The following NRXN3 variants were observed in gnomAD, a reference collection of about 807,000 sequenced individuals.
NRXN3 encodes the protein neurexin 3, also known as neurexin III.
NRXN3 carries 32 observed loss-of-function variants against 137.6 expected under a neutral mutation model. The observed-to-expected ratio is 0.23, with a 90% CI of 0.18 to 0.31. The LOEUF is 0.31. Ranked by LOEUF, NRXN3 falls within the 10% of genes least tolerant of loss-of-function variation. The probability of loss-of-function intolerance (pLI) is 1.00; values close to 1 mark genes in which losing one functional copy is unlikely to be tolerated. For synonymous variants in NRXN3, 798 were observed against 784.5 expected, an observed-to-expected ratio of 1.02 and a Z score of -0.29; for missense variants, 1,574 against 2,062.5, an observed-to-expected ratio of 0.76 and a Z score of 4.59.
chr14:78,188,023 C>T (rs750758083), intron 1 of NRXN3, among the ~76,000 whole-genome samples: 2 of 152,196 alleles, frequency 1.3e-5, no homozygotes, highest in Non-Finnish European at 1.5e-5. Flanking sequence ...AGGGAGCACT[C>T]GGGCCATGTG....
intron 1 of NRXN3, among the ~76,000 whole-genome samples, chr14:78,188,389 A>T (rs1279411578): frequency 6.6e-6 from 1 of 152,194 alleles, no homozygotes; most frequent in Non-Finnish European, 1.5e-5. Context: ...GGGAACTGGA[A>T]AGACTGATAG....
intron 1 of NRXN3, among the ~76,000 whole-genome samples, chr14:78,238,879 C>T (rs1041026929): frequency 2.8e-4 from 42 of 152,156 alleles, no homozygotes; most frequent in African/African-American, 9.7e-4. Context: ...TGTGTGGCCC[C>T]GACAAAGCAG....
At chr14:79,497,437 C>T (rs184036464) in intron 16 of NRXN3, among the ~76,000 whole-genome samples, 1 of 152,234 alleles carries the variant, frequency 6.6e-6, no homozygotes, top group African/African-American at 2.4e-5. Context: ...CCAAATGTTA[C>T]CTTATTAATG....
At chr14:78,483,742 G>C (rs1398118339) in intron 4 of NRXN3, among the ~76,000 whole-genome samples, 2 of 152,162 alleles carry the variant, frequency 1.3e-5, no homozygotes, top group African/African-American at 2.4e-5. Context: ...CCAGGTGAGA[G>C]GGGAGGACTC....
chr14:78,392,756 A>G (rs1304251094), intron 4 of NRXN3, among the ~76,000 whole-genome samples: 1 of 152,158 alleles, frequency 6.6e-6, no homozygotes, highest in Non-Finnish European at 1.5e-5. Context: ...CTCATTTTAC[A>G]AATGAGGATC....
intron 20 of NRXN3, among the ~76,000 whole-genome samples, chr14:79,815,873 A>G (rs2099250051): frequency 1.3e-5 from 2 of 152,230 alleles, no homozygotes; most frequent in South Asian, 2.1e-4. Flanking sequence ...AGTAAAATTT[A>G]GTAAAATAAT....
chr14:78,778,770 TTC>T (rs1491386063), intron 8 of NRXN3, among the ~76,000 whole-genome samples: 4 of 67,296 alleles, frequency 5.9e-5, no homozygotes, highest in African/African-American at 2.2e-4. Flanking sequence ...CTTTCTTTCT[TTC>T]TTTCTTTCTT....
At chr14:78,867,580 C>G (rs556109206) in intron 10 of NRXN3, among the ~76,000 whole-genome samples, 4 of 152,254 alleles carry the variant, frequency 2.6e-5, no homozygotes, top group Non-Finnish European at 5.9e-5. Context: ...TTCCCTGAAG[C>G]AGTCATGAAA....
intron 4 of NRXN3, among the ~76,000 whole-genome samples, chr14:78,443,319 G>T (rs1404660388): frequency 6.6e-6 from 1 of 152,108 alleles, no homozygotes; most frequent in Non-Finnish European, 1.5e-5. Context: ...GTTATTGTTT[G>T]GGTAGGCACT....
intron 19 of NRXN3, among the ~76,000 whole-genome samples, chr14:79,793,467 G>A (rs1457694833): frequency 6.6e-6 from 1 of 152,178 alleles, no homozygotes; most frequent in Non-Finnish European, 1.5e-5. Flanking sequence ...GAGGCTAGGA[G>A]GGAAGCACGA....
chr14:78,302,520 C>T (rs1000281412), intron 4 of NRXN3, among the ~76,000 whole-genome samples: 10 of 152,152 alleles, frequency 6.6e-5, no homozygotes, highest in East Asian at 1.9e-4. Flanking sequence ...CTGTCTTTCC[C>T]GGATACAAGG....
At chr14:78,828,027 C>G (rs2098971890) in intron 10 of NRXN3, among the ~76,000 whole-genome samples, 1 of 152,200 alleles carries the variant, frequency 6.6e-6, no homozygotes, top group Non-Finnish European at 1.5e-5. Context: ...CTTGGACTCT[C>G]TGCATCTAGT....
At chr14:79,585,689 AAAAAC>A (rs1567579838) in intron 16 of NRXN3, among the ~76,000 whole-genome samples, 4 of 118,022 alleles carry the variant, frequency 3.4e-5, no homozygotes, top group Non-Finnish European at 3.8e-5. Context: ...ATCTTAAAAA[AAAAAC>A]AAAAAAAAAA....
intron 15 of NRXN3, among the ~76,000 whole-genome samples, chr14:79,101,887 C>G (rs1402218518): frequency 6.6e-6 from 1 of 152,040 alleles, no homozygotes; most frequent in African/African-American, 2.4e-5. Flanking sequence ...AAGGTAAACA[C>G]AGAGACAGGC....
At chr14:78,483,815 A>G (rs1417979042) in intron 4 of NRXN3, among the ~76,000 whole-genome samples, 2 of 152,198 alleles carry the variant, frequency 1.3e-5, no homozygotes, top group African/African-American at 2.4e-5. Flanking sequence ...ATAAATGAGA[A>G]AACTGAGGCC....
rs534557079 is a variant in NRXN3, at chr14:79,238,440, T to C, written c.3263-228781T>C. ...GGAGTGAAACTTGCTTGAATGGATC[T>C]AGGGCCCAGGAGAGAAGGCGAACCT... is the stretch of plus-strand genomic sequence containing the variant. On this transcript the variant is annotated intron_variant, in intron 15 of 20. Transcript: ENST00000335750. Among the ~76,000 whole-genome samples, 6 of 152,182 alleles carry C rather than the reference T, an allele frequency of 3.9e-5. No individual in the cohort carries two copies. The East Asian group carries it at 1.2e-3, about 30-fold the overall frequency.
chr14:79,733,307 C>G (rs901870179), intron 19 of NRXN3, among the ~76,000 whole-genome samples: 2 of 152,180 alleles, frequency 1.3e-5, no homozygotes, highest in African/African-American at 4.8e-5. Context: ...ATACAAAAAT[C>G]TTACTGTGTC....
intron 15 of NRXN3, among the ~76,000 whole-genome samples, chr14:79,287,637 A>G (rs2082492998): frequency 6.6e-6 from 1 of 152,182 alleles, no homozygotes; most frequent in Non-Finnish European, 1.5e-5. Context: ...TAGGAGCACA[A>G]TATTATGCCA....
chr14:79,654,874 G>A (rs780499592), intron 16 of NRXN3, among the ~76,000 whole-genome samples: 33 of 152,118 alleles, frequency 2.2e-4, no homozygotes, highest in Non-Finnish European at 3.8e-4. Context: ...AAGCCATAAT[G>A]CTAATATAGC....
Sources: gnomAD v4.1 joint callset for allele counts (sites outside exome capture counted in the v4.1 genomes callset) on GRCh38, gnomAD v4.1.1 for gene constraint, MANE v1.5 for transcripts, NCBI Gene and HGNC (gene_info 2026-07-23, HGNC 2026-07-21) for gene names.